Variants in PLCB1 observed in about 807,000 individuals in gnomAD.
PLCB1 encodes the protein phospholipase C beta 1.
A neutral mutation model predicts 161.8 loss-of-function variants in PLCB1; 46 were observed. That is an observed-to-expected ratio of 0.28 (90% CI 0.22 to 0.36). The LOEUF is 0.36. Ranked by LOEUF, PLCB1 falls within the 10% of genes least tolerant of loss-of-function variation. The pLI, the probability that PLCB1 is intolerant of heterozygous loss-of-function variation, is 1.00. For missense variants in PLCB1, 1,016 were observed against 1,472.5 expected (o/e 0.69, Z 5.07); for synonymous variants, 517 against 503.7 (o/e 1.03, Z -0.35).
chr20:8,329,104 C>T lies in PLCB1; in HGVS notation c.178-42278C>T, dbSNP rs1245002578. On this transcript the variant is annotated intron_variant, in intron 2 of 31. Coordinates refer to ENST00000338037, the MANE Select transcript of PLCB1 (RefSeq NM_015192.4). ...AATGACAAAATTTAATTCTGTATTC[C>T]TGTATATATAGCCAGTATTTTATAA... Among the ~76,000 whole-genome samples, 53 of 152,164 alleles carry T rather than the reference C, an allele frequency of 3.5e-4. 1 individual carries two copies. Among genetic ancestry groups the T allele is most frequent in the Non-Finnish European group, 2.9e-5 (2 of 67,998 alleles).
At chr20:8,682,654 C>T (rs1349361260) in intron 9 of PLCB1, among the ~76,000 whole-genome samples, 1 of 152,160 alleles carries the variant, frequency 6.6e-6, no homozygotes, top group African/African-American at 2.4e-5. Context: ...AATGGCACAT[C>T]TCTTAGCAAT....
rs1242637001 is a variant in PLCB1 at position 8,835,834 on chromosome 20, C to A, written c.3423+45573C>A. 4.2e-5 allele frequency among the ~76,000 whole-genome samples: 4 copies of A among 95,384 alleles called. No individual in the cohort carries two copies. In the Admixed American group the frequency reaches 5.6e-4, roughly 13 times the overall value. The allele number at this position is 95,384 out of a possible 152,430, so 62.6% of individuals were successfully genotyped here. On this transcript the variant is annotated intron_variant, in intron 31 of 31. Coordinates refer to ENST00000338037, the MANE Select transcript of PLCB1 (RefSeq NM_015192.4). ...GGGTCAGTGAGCTTTGGCTGCATAA[C>A]AAACCACTTCAAAACTTAGTGACTT...
intron 1 of PLCB1, among the ~76,000 whole-genome samples, chr20:8,141,603 G>A (rs984420161): frequency 6.8e-6 from 1 of 147,880 alleles, no homozygotes; most frequent in Non-Finnish European, 1.5e-5. Flanking sequence ...TTCCAGCCTG[G>A]GCGACAGAGC....
chr20:8,247,960 T>C (rs147870031), intron 2 of PLCB1, among the ~76,000 whole-genome samples: 253 of 152,076 alleles, frequency 1.7e-3, no homozygotes, highest in African/African-American at 5.6e-3. Flanking sequence ...TCCTTCTTCT[T>C]CTTTCACTTC....
At chr20:8,760,551 G>GA in intron 25 of PLCB1, 91 bp downstream of exon 25, 1 of 781,436 alleles carries the variant, frequency 1.3e-6, no homozygotes, top group South Asian at 1.8e-5. Context: ...ATTCATATCT[G>GA]AAAAACAACA....
chr20:8,862,845 G>A (rs1044255917), intron 31 of PLCB1, among the ~76,000 whole-genome samples: 10 of 152,170 alleles, frequency 6.6e-5, no homozygotes, highest in African/African-American at 2.4e-4. Flanking sequence ...CTGAGATGAG[G>A]ATTTGAGTAT....
chr20:8,506,181 G>A (rs1176715340), intron 3 of PLCB1, among the ~76,000 whole-genome samples: 3 of 152,056 alleles, frequency 2.0e-5, no homozygotes, highest in African/African-American at 7.2e-5. Context: ...CAAGAATTTT[G>A]GAAGGTATTA....
Position 8,780,558 on chromosome 20 carries a change from G to A in PLCB1, c.3111+5839G>A, listed in dbSNP as rs139923534. 9.9e-5 allele frequency among the ~76,000 whole-genome samples: 15 copies of A among 152,084 alleles called. No individual in the cohort carries two copies. The East Asian group carries it at 1.9e-3, about 20-fold the overall frequency. On this transcript the variant is annotated intron_variant, in intron 27 of 31. Coordinates refer to ENST00000338037, the MANE Select transcript of PLCB1 (RefSeq NM_015192.4). ...CTTTACATCAAACTGAATGGCTCGCGTTCTTCTTACAATCCTCATGTCTGT... is the reference window on the plus strand; with the variant it reads ...CTTTACATCAAACTGAATGGCTCGCATTCTTCTTACAATCCTCATGTCTGT...
intron 31 of PLCB1, among the ~76,000 whole-genome samples, chr20:8,839,564 C>T (rs1986415537): frequency 6.6e-6 from 1 of 152,120 alleles, no homozygotes; most frequent in South Asian, 2.1e-4. Context: ...ACACCATTGC[C>T]ATCACCCACC....
chr20:8,251,152 C>T (rs1981117984), intron 2 of PLCB1, among the ~76,000 whole-genome samples: 1 of 151,934 alleles, frequency 6.6e-6, no homozygotes, highest in Admixed American at 6.6e-5. Context: ...GACAAACAGG[C>T]TCCCTCAAGT....
intron 3 of PLCB1, among the ~76,000 whole-genome samples, chr20:8,388,134 C>G (rs1219577289): frequency 6.6e-6 from 1 of 151,974 alleles, no homozygotes; most frequent in African/African-American, 2.4e-5. Flanking sequence ...TCTAGCTTTT[C>G]TTTTTTTATG....
chr20:8,175,918 A>T (rs1331356222), intron 2 of PLCB1, among the ~76,000 whole-genome samples: 1 of 152,210 alleles, frequency 6.6e-6, no homozygotes, highest in Non-Finnish European at 1.5e-5. Flanking sequence ...ACATAAGCAT[A>T]TGAAAAGATG....
chr20:8,621,249 T>C lies in PLCB1; in HGVS notation c.247-7045T>C, dbSNP rs188468694. 4.5e-4 allele frequency among the ~76,000 whole-genome samples: 69 copies of C among 152,300 alleles called. 1 individual carries two copies. The East Asian group carries it at 0.011, about 25-fold the overall frequency. On this transcript the variant is annotated intron_variant, in intron 3 of 31. Coordinates refer to ENST00000338037, the MANE Select transcript of PLCB1 (RefSeq NM_015192.4). Reference sequence around the variant, plus strand: ...ACACACCATTACCCCTCAGGGCATGTGGATTTTTTATGCATTGCAGTGGTA... The same window carrying C: ...ACACACCATTACCCCTCAGGGCATGCGGATTTTTTATGCATTGCAGTGGTA...
At chr20:8,624,167 T>G (rs1453533741) in intron 3 of PLCB1, among the ~76,000 whole-genome samples, 2 of 152,208 alleles carry the variant, frequency 1.3e-5, no homozygotes, top group Non-Finnish European at 2.9e-5. Flanking sequence ...CTCTTTCATT[T>G]CCAACTGTTG....
intron 1 of PLCB1, among the ~76,000 whole-genome samples, chr20:8,137,909 C>A (rs2051364961): frequency 6.6e-6 from 1 of 152,162 alleles, no homozygotes; most frequent in Non-Finnish European, 1.5e-5. Context: ...CTGAACTGAT[C>A]CTCTTGAACA....
chr20:8,335,922 G>A (rs1168335884), intron 2 of PLCB1, among the ~76,000 whole-genome samples: 1 of 152,136 alleles, frequency 6.6e-6, no homozygotes, highest in East Asian at 1.9e-4. Flanking sequence ...AATAACGCTG[G>A]TCAGGGAGGA....
At chr20:8,596,910 T>G (rs1987371299) in intron 3 of PLCB1, among the ~76,000 whole-genome samples, 1 of 152,418 alleles carries the variant, frequency 6.6e-6, no homozygotes, top group South Asian at 2.1e-4. Context: ...GTTTGTCTGT[T>G]GTTGGTGTAT....
At chr20:8,738,374 C>T (rs1277642609) in intron 20 of PLCB1, among the ~76,000 whole-genome samples, 1 of 152,060 alleles carries the variant, frequency 6.6e-6, no homozygotes, top group Non-Finnish European at 1.5e-5. Context: ...TAATGATTGC[C>T]ATTCTAACTG....
At chr20:8,603,536 G>C (rs993036571) in intron 3 of PLCB1, among the ~76,000 whole-genome samples, 2 of 152,190 alleles carry the variant, frequency 1.3e-5, no homozygotes, top group Non-Finnish European at 2.9e-5. Flanking sequence ...ATTCAACTGT[G>C]TCTAAATTCA....
Sources: gnomAD v4.1 joint callset for allele counts (sites outside exome capture counted in the v4.1 genomes callset) on GRCh38, gnomAD v4.1.1 for gene constraint, MANE v1.5 for transcripts, NCBI Gene and HGNC (gene_info 2026-07-23, HGNC 2026-07-21) for gene names.